The following RPS6KA6 variants were observed in gnomAD, a reference collection of about 807,000 sequenced individuals.
RPS6KA6 encodes the protein ribosomal protein S6 kinase A6.
In RPS6KA6, 27 loss-of-function variants were observed where a neutral mutation model predicts 65.4. That is an observed-to-expected ratio of 0.41 (90% CI 0.30 to 0.57). RPS6KA6 has a LOEUF of 0.57. RPS6KA6 is among the 20% of genes least tolerant of loss of function. The pLI, the probability that RPS6KA6 is intolerant of heterozygous loss-of-function variation, is 0.24. For synonymous variants in RPS6KA6, 190 were observed against 184.2 expected (o/e 1.03, Z -0.26); for missense variants, 486 against 555.6 (o/e 0.87, Z 1.26).
At chrX:84,082,211 A>C (rs1413757810) in intron 20 of RPS6KA6, among the ~76,000 whole-genome samples, 1 of 111,891 alleles carries the variant, frequency 8.9e-6, no homozygotes. Context: ...CATCTCAGCC[A>C]AAAATCTCCT....
chrX:84,142,899 T>C (rs2035132026), intron 6 of RPS6KA6, among the ~76,000 whole-genome samples: 1 of 110,898 alleles, frequency 9.0e-6, no homozygotes, highest in Non-Finnish European at 1.9e-5. Context: ...ATTCTATCAA[T>C]CATTTAAGGG....
intron 8 of RPS6KA6, 103 bp from the exon 9 acceptor site, chrX:84,120,130 A>T (rs1184718007): frequency 1.8e-6 from 1 of 555,745 alleles, no homozygotes; most frequent in Non-Finnish European, 2.7e-6. Flanking sequence ...TTATTTATGG[A>T]TGGCCTACAG....
rs2034584240 is a variant in RPS6KA6, at chrX:84,117,165, T to C, written c.861-17A>G. On this transcript the variant is annotated splice_polypyrimidine_tract_variant and intron_variant, in intron 10 of 21. Transcript: ENST00000262752. ...AGTTTTGCTCTGAAACAGAGGATTTTAGAAAGTTTCACTTAAATTTAGCCA... is the reference window on the plus strand; with the variant it reads ...AGTTTTGCTCTGAAACAGAGGATTTCAGAAAGTTTCACTTAAATTTAGCCA... 4.5e-6 allele frequency: 5 copies of C among 1,117,268 alleles called. No individual in the cohort carries two copies. In the East Asian group the frequency reaches 1.2e-4, roughly 27 times the overall value. The allele number at this position is 1,117,268 out of a possible 1,213,427, so 92.1% of individuals were successfully genotyped here.
chrX:84,168,195 T>C (rs1172256311), intron 1 of RPS6KA6, among the ~76,000 whole-genome samples: 1 of 111,035 alleles, frequency 9.0e-6, no homozygotes, highest in Non-Finnish European at 1.9e-5. Context: ...TTCAATACCC[T>C]TGAAACACTG....
intron 8 of RPS6KA6, among the ~76,000 whole-genome samples, chrX:84,122,802 A>AGT (rs2034703945): frequency 9.0e-6 from 1 of 111,347 alleles, no homozygotes; most frequent in Non-Finnish European, 1.9e-5. Context: ...GGCAACTACT[A>AGT]GTGTTGAACT....
chrX:84,116,924 T>C (rs2034579171), intron 11 of RPS6KA6, 136 bp downstream of exon 11: 1 of 404,394 alleles, frequency 2.5e-6, no homozygotes, highest in Non-Finnish European at 4.2e-6. Flanking sequence ...GTTTACTTTG[T>C]CTGAAATGCA....
intron 8 of RPS6KA6, among the ~76,000 whole-genome samples, chrX:84,132,424 T>C (rs6616905): frequency 0.051 from 5,580 of 110,288 alleles, 197 homozygotes; most frequent in East Asian, 0.2. Context: ...CCCTCCAGCC[T>C]GGGTGACAGA....
At chrX:84,160,656 T>G (rs1303375406) in intron 2 of RPS6KA6, among the ~76,000 whole-genome samples, 2 of 111,198 alleles carry the variant, frequency 1.8e-5, no homozygotes, top group Admixed American at 9.6e-5. Context: ...GCCAGCTTGG[T>G]GAAAAGATCA....
chrX:84,169,464 G>A (rs1053638166), intron 1 of RPS6KA6, among the ~76,000 whole-genome samples: 1 of 110,699 alleles, frequency 9.0e-6, no homozygotes, highest in East Asian at 2.8e-4. Context: ...CCTTGGAATT[G>A]GAGGTGGTAT....
At chrX:84,076,525 A>G (rs2033667255) in intron 20 of RPS6KA6, among the ~76,000 whole-genome samples, 1 of 112,067 alleles carries the variant, frequency 8.9e-6, no homozygotes, top group African/African-American at 3.2e-5. Flanking sequence ...AATGTATATC[A>G]ATGTAACAAC....
intron 19 of RPS6KA6, 117 bp from the exon 20 acceptor site, chrX:84,096,428 T>C: frequency 5.8e-6 from 2 of 344,054 alleles, no homozygotes; most frequent in Non-Finnish European, 1.0e-5. Context: ...TATCATCTCA[T>C]ATTTCCTTTC....
intron 1 of RPS6KA6, among the ~76,000 whole-genome samples, chrX:84,187,144 G>A (rs1460113511): frequency 9.0e-6 from 1 of 111,710 alleles, no homozygotes; most frequent in African/African-American, 3.3e-5. Context: ...GACAGCGGTT[G>A]TGGAAAGGAG....
At chrX:84,065,738 G>T (rs1262055496) in intron 20 of RPS6KA6, among the ~76,000 whole-genome samples, 1 of 112,180 alleles carries the variant, frequency 8.9e-6, no homozygotes, top group South Asian at 3.7e-4. Context: ...TATATTAAGA[G>T]ATGTAATACT....
chrX:84,134,977 C>T, intron 7 of RPS6KA6, 127 bp downstream of exon 7: 1 of 626,154 alleles, frequency 1.6e-6, no homozygotes, highest in South Asian at 2.9e-5. Flanking sequence ...ACAAAGATTA[C>T]TTTTTACAAA....
intron 1 of RPS6KA6, chrX:84,185,939 T>C: frequency 2.2e-6 from 1 of 459,429 alleles, no homozygotes; most frequent in South Asian, 2.9e-5. Flanking sequence ...AGTGGGTCTG[T>C]TCAAATGTAG....
intron 9 of RPS6KA6, among the ~76,000 whole-genome samples, chrX:84,118,665 A>G (rs1008156849): frequency 8.9e-6 from 1 of 111,920 alleles, no homozygotes; most frequent in African/African-American, 3.2e-5. Context: ...AGGCATTTTT[A>G]TCTTTGACAA....
chrX:84,187,769 G>A, intron 1 of RPS6KA6, 50 bp downstream of exon 1: 1 of 1,131,442 alleles, frequency 8.8e-7, no homozygotes, highest in Non-Finnish European at 1.2e-6. Flanking sequence ...AAGGTCTTGA[G>A]GGGAAGGAGG....
intron 20 of RPS6KA6, among the ~76,000 whole-genome samples, chrX:84,068,222 T>C (rs892889853): frequency 1.8e-5 from 2 of 111,378 alleles, no homozygotes; most frequent in South Asian, 7.5e-4. Flanking sequence ...ATGTATAAAA[T>C]AACCAGCTAG....
intron 4 of RPS6KA6, 46 bp downstream of exon 4, chrX:84,147,996 C>T (rs2035229445): frequency 1.2e-6 from 1 of 818,903 alleles, no homozygotes; most frequent in Non-Finnish European, 1.8e-6. Flanking sequence ...ATTTCTTAAA[C>T]TACACTTTGT....
Sources: gnomAD v4.1 joint callset for allele counts (sites outside exome capture counted in the v4.1 genomes callset) on GRCh38, gnomAD v4.1.1 for gene constraint, MANE v1.5 for transcripts, NCBI Gene and HGNC (gene_info 2026-07-23, HGNC 2026-07-21) for gene names.